Variants in ASCC3 observed in about 807,000 individuals in gnomAD.
ASCC3 encodes activating signal cointegrator 1 complex subunit 3, also known as ASC-1 complex subunit P200.
In ASCC3, 158 loss-of-function variants were observed where a neutral mutation model predicts 256.3. The ratio of observed to expected loss-of-function variants is 0.62; its 90% CI spans 0.54 to 0.70. The LOEUF is 0.70. Among genes scored for constraint, ASCC3 ranks in the 30% least tolerant of loss-of-function variants. The pLI is 0.00. For synonymous variants in ASCC3, 948 were observed against 883.4 expected, an observed-to-expected ratio of 1.07 and a Z score of -1.30; for missense variants, 2,259 against 2,626.0, an observed-to-expected ratio of 0.86 and a Z score of 3.05.
At chr6:100,656,814 C>T (rs1775936057) in intron 16 of ASCC3, among the ~76,000 whole-genome samples, 1 of 150,730 alleles carries the variant, frequency 6.6e-6, no homozygotes, top group Non-Finnish European at 1.5e-5. Context: ...AATTTACCCA[C>T]GTTGTAAAAC....
intron 36 of ASCC3, among the ~76,000 whole-genome samples, chr6:100,588,035 G>T (rs1170116603): frequency 2.0e-5 from 3 of 152,062 alleles, no homozygotes; most frequent in African/African-American, 7.2e-5. Flanking sequence ...TTATGTGCAT[G>T]TGTGCATATG....
chr6:100,622,037 A>T (rs1773977176), intron 30 of ASCC3, among the ~76,000 whole-genome samples: 1 of 152,116 alleles, frequency 6.6e-6, no homozygotes, highest in African/African-American at 2.4e-5. Context: ...GAGCTGAAAA[A>T]TGAGAACACA....
At chr6:100,576,343 T>C (rs1770857113) in intron 36 of ASCC3, among the ~76,000 whole-genome samples, 1 of 152,096 alleles carries the variant, frequency 6.6e-6, no homozygotes, top group Non-Finnish European at 1.5e-5. Context: ...GCTCTGTATT[T>C]AATACTTATA....
Position 100,642,667 on chromosome 6 carries a change from A to G in ASCC3, c.3815T>C (p.Val1272Ala). Reference protein sequence around the residue: ...PLPSQYYIRAVSDRWLGAEAV... With the variant: ...PLPSQYYIRAASDRWLGAEAV... ...CTCAGCACCCAACCATCTATCAGAC[A>G]CTGCTCGGATGTAGTATTGGGAAGG... is the stretch of plus-strand genomic sequence containing the variant. The change falls in exon 24 of 42, where the codon GTG (valine) becomes GCG (alanine). Residue 1272 changes from valine (V) to alanine (A), a missense_variant. This residue lies in a region of ASCC3 where 1,839 missense variants were observed against 2,206.7 expected (regional missense o/e 0.83). Coordinates refer to ENST00000369162, the MANE Select transcript of ASCC3 (RefSeq NM_006828.4). 6.2e-7 allele frequency: 1 copy of G among 1,613,962 alleles called. No individual in the cohort carries two copies. Among genetic ancestry groups the G allele is most frequent in the Non-Finnish European group, 8.5e-7 (1 of 1,179,856 alleles).
intron 24 of ASCC3, among the ~76,000 whole-genome samples, chr6:100,639,755 T>C (rs917544756): frequency 6.6e-6 from 1 of 152,170 alleles, no homozygotes; most frequent in Admixed American, 6.5e-5. Context: ...GTTAATTACA[T>C]AGGTAACTGA....
chr6:100,580,193 A>G (rs958203704), intron 36 of ASCC3, among the ~76,000 whole-genome samples: 18 of 152,078 alleles, frequency 1.2e-4, no homozygotes, highest in Non-Finnish European at 1.2e-4. Context: ...TGGAAATGCT[A>G]ATTCTTATTT....
chr6:100,788,298 A>T (rs1273028554), intron 8 of ASCC3, among the ~76,000 whole-genome samples: 1 of 151,998 alleles, frequency 6.6e-6, no homozygotes, highest in African/African-American at 2.4e-5. Context: ...ATGTTTAAAA[A>T]TTTTTAAACC....
intron 4 of ASCC3, among the ~76,000 whole-genome samples, chr6:100,808,656 G>T (rs1770308666): frequency 6.6e-6 from 1 of 151,766 alleles, no homozygotes; most frequent in Admixed American, 6.6e-5. Context: ...GGAAAATATA[G>T]TTAATTTTCA....
chr6:100,591,531 C>A lies in ASCC3; in HGVS notation c.5304-1472G>T, dbSNP rs1771998647. Reference sequence around the variant, plus strand: ...TTTAGCTGTCAGGACTAATACATAGCTGATAAAGTTATTTCTAAATTCAAA... The same window carrying A: ...TTTAGCTGTCAGGACTAATACATAGATGATAAAGTTATTTCTAAATTCAAA... On this transcript the variant is annotated intron_variant, in intron 34 of 41. Transcript: ENST00000369162. Among the ~76,000 whole-genome samples the A allele has an allele frequency of 3.3e-5, 5 of 152,102 alleles. No homozygotes were observed. The South Asian group carries it at 1.0e-3, about 32-fold the overall frequency.
At chr6:100,699,135 A>G (rs775378824) in intron 13 of ASCC3, among the ~76,000 whole-genome samples, 2 of 152,204 alleles carry the variant, frequency 1.3e-5, no homozygotes, top group African/African-American at 2.4e-5. Context: ...TGTTTGCACA[A>G]CGAAATAATG....
intron 2 of ASCC3, 70 bp from the exon 3 acceptor site, chr6:100,864,284 T>G (rs1008613964): frequency 7.4e-7 from 1 of 1,344,236 alleles, no homozygotes; most frequent in African/African-American, 1.5e-5. Context: ...TGATTACATA[T>G]ATTTTGCATT....
intron 22 of ASCC3, 46 bp downstream of exon 22, chr6:100,646,569 A>G (rs1360789288): frequency 1.3e-6 from 2 of 1,595,316 alleles, no homozygotes; most frequent in Non-Finnish European, 1.7e-6. Flanking sequence ...AGTCTGTAGT[A>G]CAGATATTTT....
chr6:100,860,845 T>C (rs1773190336), intron 3 of ASCC3, among the ~76,000 whole-genome samples: 1 of 152,036 alleles, frequency 6.6e-6, no homozygotes, highest in Non-Finnish European at 1.5e-5. Context: ...GGCATAAAGG[T>C]TGCATGTGAT....
rs1288635680 is a variant in ASCC3 at position 100,568,643 on chromosome 6, CTGTT to C, written c.5550+20987_5550+20990del. On this transcript the variant is annotated intron_variant, in intron 36 of 41. Transcript: ENST00000369162. ...TTTGTGAATATTTTCTGTAGGTTGT[CTGTT>C]TGGTCTTTTAATAGTTTCTTTTGCT... Among the ~76,000 whole-genome samples the C allele has an allele frequency of 8.6e-5, 13 of 151,620 alleles. No individual in the cohort carries two copies. The East Asian group carries it at 1.9e-3, about 23-fold the overall frequency.
chr6:100,673,860 C>A (rs1055175740), intron 14 of ASCC3, among the ~76,000 whole-genome samples: 21 of 152,208 alleles, frequency 1.4e-4, no homozygotes, highest in African/African-American at 5.1e-4. Context: ...ATGCACCTTA[C>A]ATTCCTGTGA....
chr6:100,768,416 A>C (rs1456434042), intron 8 of ASCC3, among the ~76,000 whole-genome samples: 1 of 152,216 alleles, frequency 6.6e-6, no homozygotes, highest in Non-Finnish European at 1.5e-5. Context: ...TTACTGGCAG[A>C]AACTTGGAAT....
chr6:100,680,598 T>A (rs887130648), intron 13 of ASCC3, among the ~76,000 whole-genome samples: 7 of 152,182 alleles, frequency 4.6e-5, no homozygotes, highest in African/African-American at 1.4e-4. Flanking sequence ...CTGGTGTGAA[T>A]AAAAGCAACT....
chr6:100,809,037 G>A (rs1157826194), intron 4 of ASCC3, among the ~76,000 whole-genome samples: 2 of 151,880 alleles, frequency 1.3e-5, no homozygotes, highest in African/African-American at 2.4e-5. Flanking sequence ...TACTATGAAC[G>A]GAGCCTGCAG....
intron 30 of ASCC3, among the ~76,000 whole-genome samples, chr6:100,608,177 T>TATAC (rs2114813797): frequency 8.4e-6 from 1 of 119,392 alleles, no homozygotes; most frequent in Non-Finnish European, 1.6e-5. Flanking sequence ...CATATTTATA[T>TATAC]ATGTGTGTGT....
Sources: gnomAD v4.1 joint callset for allele counts (sites outside exome capture counted in the v4.1 genomes callset) on GRCh38, gnomAD v4.1.1 for gene constraint, gnomAD v4.1.1 regional missense constraint, MANE v1.5 for transcripts, NCBI Gene and HGNC (gene_info 2026-07-23, HGNC 2026-07-21) for gene names.